The following MEGF10 variants were observed in gnomAD, a reference collection of about 807,000 sequenced individuals.
MEGF10 encodes multiple EGF like domains 10.
MEGF10 carries 86 observed loss-of-function variants against 147.5 expected under a neutral mutation model. The ratio of observed to expected loss-of-function variants is 0.58; its 90% CI spans 0.49 to 0.70. The LOEUF is 0.70. Among genes scored for constraint, MEGF10 ranks in the 30% least tolerant of loss-of-function variants. The probability of loss-of-function intolerance (pLI) is 0.00; values close to 1 mark genes in which losing one functional copy is unlikely to be tolerated. For missense variants in MEGF10, 1,329 were observed against 1,487.3 expected (o/e 0.89, Z 1.75); for synonymous variants, 478 against 525.5 (o/e 0.91, Z 1.24).
At chr5:127,338,553 G>C (rs1761556255) in intron 2 of MEGF10, among the ~76,000 whole-genome samples, 1 of 152,042 alleles carries the variant, frequency 6.6e-6, no homozygotes, top group Non-Finnish European at 1.5e-5. Context: ...TTTAGAACCA[G>C]GTTTAAAGAC....
rs886059863 is a variant in MEGF10, at chr5:127,398,805, C to T, written c.780+9C>T. 2 of 1,613,172 alleles carry T rather than the reference C, an allele frequency of 1.2e-6. No individual in the cohort carries two copies. Among genetic ancestry groups the T allele is most frequent in the African/African-American group, 2.7e-5 (2 of 74,908 alleles). On this transcript the variant is annotated intron_variant, in intron 7 of 24. Coordinates refer to ENST00000503335, the MANE Select transcript of MEGF10 (RefSeq NM_001256545.2). The stretch of plus-strand genomic sequence containing the variant: ...GCCCTTCTGGCTGGATGGTAAGCTT[C>T]CTTCCCACCTCCTCTGCCCCTGCCC...
chr5:127,435,291 T>C, intron 15 of MEGF10, 70 bp from the exon 16 acceptor site: 3 of 1,578,314 alleles, frequency 1.9e-6, no homozygotes, highest in Non-Finnish European at 1.7e-6. Context: ...AGTTATTTCC[T>C]GTGCTAAGAT....
chr5:127,423,510 G>A (rs1034247878), intron 13 of MEGF10, among the ~76,000 whole-genome samples: 4 of 152,148 alleles, frequency 2.6e-5, no homozygotes, highest in Non-Finnish European at 4.4e-5. Context: ...AGTAATGTAC[G>A]AGGGTTCCAT....
chr5:127,342,931 G>A (rs1353011504), intron 4 of MEGF10, among the ~76,000 whole-genome samples: 2 of 151,846 alleles, frequency 1.3e-5, no homozygotes, highest in Non-Finnish European at 2.9e-5. Flanking sequence ...AAAATATTTT[G>A]TGTCTCTCCA....
chr5:127,244,515 G>A, the MEGF10 span, among the ~76,000 whole-genome samples: 1 of 152,180 alleles, frequency 6.6e-6, no homozygotes, highest in Admixed American at 6.5e-5. Context: ...CATAGAGAAA[G>A]CTTACTGAAG....
At chr5:127,363,723 G>A (rs1035793389) in intron 4 of MEGF10, among the ~76,000 whole-genome samples, 8 of 152,138 alleles carry the variant, frequency 5.3e-5, no homozygotes, top group Admixed American at 5.2e-4. Context: ...TAAATGACAC[G>A]AAAGCCCTAT....
intron 4 of MEGF10, among the ~76,000 whole-genome samples, chr5:127,363,679 G>C (rs930639568): frequency 2.6e-5 from 4 of 152,192 alleles, no homozygotes; most frequent in Non-Finnish European, 5.9e-5. Context: ...GTCTGCCAAA[G>C]ATACTGCCAG....
the MEGF10 span, among the ~76,000 whole-genome samples, chr5:127,270,186 A>T: frequency 6.6e-6 from 1 of 152,310 alleles, no homozygotes; most frequent in South Asian, 2.1e-4. Context: ...AATGAGCAAA[A>T]TAACCAGCTA....
intron 1 of MEGF10, among the ~76,000 whole-genome samples, chr5:127,322,942 C>T (rs931734853): frequency 1.3e-5 from 2 of 151,916 alleles, no homozygotes; most frequent in African/African-American, 4.8e-5. Context: ...TATATATTTA[C>T]ACAATGTGTG....
At chr5:127,418,805 T>G (rs1327738190) in intron 10 of MEGF10, among the ~76,000 whole-genome samples, 8 of 152,150 alleles carry the variant, frequency 5.3e-5, no homozygotes. Context: ...TTTTTATATA[T>G]CTACTTGTCT....
chr5:127,402,354 T>G (rs186578309), intron 7 of MEGF10, among the ~76,000 whole-genome samples, 192 bp from the exon 8 acceptor site: 1 of 152,238 alleles, frequency 6.6e-6, no homozygotes, highest in Non-Finnish European at 1.5e-5. Flanking sequence ...TACTGAGTAA[T>G]TAAGTCAATT....
the MEGF10 span, among the ~76,000 whole-genome samples, chr5:127,247,392 GAAGAAGAAGAAGAAGAA>G: frequency 2.8e-5 from 1 of 36,190 alleles, no homozygotes; most frequent in African/African-American, 1.2e-4. Flanking sequence ...AGAAGAAGAA[GAAGAAGAAGAAGAAGAA>G]GAAGAAGAAG....
At chr5:127,385,415 G>A (rs1763391877) in intron 5 of MEGF10, among the ~76,000 whole-genome samples, 1 of 152,082 alleles carries the variant, frequency 6.6e-6, no homozygotes, top group South Asian at 2.1e-4. Context: ...TGGGATTACA[G>A]GTACGCACCA....
intron 22 of MEGF10, among the ~76,000 whole-genome samples, chr5:127,453,792 T>C (rs1351510660): frequency 6.6e-6 from 1 of 152,204 alleles, no homozygotes; most frequent in Non-Finnish European, 1.5e-5. Flanking sequence ...TGTCGTCTTA[T>C]TTTGTTTTTA....
chr5:127,427,845 A>C (rs1765255736), intron 13 of MEGF10, among the ~76,000 whole-genome samples: 1 of 152,232 alleles, frequency 6.6e-6, no homozygotes, highest in Non-Finnish European at 1.5e-5. Flanking sequence ...AGTTTAATTA[A>C]CATGCCTGCA....
the MEGF10 span, among the ~76,000 whole-genome samples, chr5:127,242,918 T>C: frequency 6.6e-6 from 1 of 152,204 alleles, no homozygotes; most frequent in Admixed American, 6.6e-5. Flanking sequence ...CACAAGTATC[T>C]AGCCAAAAGA....
the MEGF10 span, among the ~76,000 whole-genome samples, chr5:127,238,061 A>G: frequency 1.2e-4 from 13 of 112,096 alleles, no homozygotes; most frequent in Non-Finnish European, 2.2e-4. Context: ...ATATATATAT[A>G]TATGTATATA....
rs765580552 is a variant in MEGF10 at position 127,369,985 on chromosome 5, G to A, written c.395G>A (p.Gly132Glu). Residue 132 changes from glycine (G) to glutamate (E), a missense_variant, in exon 5 of 25, where the codon GGG becomes GAG. By Grantham distance (98) the Gly-to-Glu change is moderately conservative. Coordinates refer to ENST00000503335, the MANE Select transcript of MEGF10 (RefSeq NM_001256545.2). ...TGTCAGTGTGAGCCTGGCTGGGGAG[G>A]GACCAACTGCTCCAGTGGTAAGTTT... ...NTCQCEPGWGGTNCSSACDGD... is the reference protein window; with the variant it reads ...NTCQCEPGWGETNCSSACDGD... 5.6e-6 allele frequency: 9 copies of A among 1,612,942 alleles called. No individual in the cohort carries two copies. In the African/African-American group the frequency reaches 8.0e-5, roughly 14 times the overall value.
chr5:127,455,851 C>CA (rs1766344419), intron 24 of MEGF10, among the ~76,000 whole-genome samples: 1 of 151,960 alleles, frequency 6.6e-6, no homozygotes, highest in Admixed American at 6.6e-5. Context: ...GCCATCCTCC[C>CA]ACTTCAGCCT....
Sources: allele counts gnomAD v4.1 joint callset (sites outside exome capture counted in the v4.1 genomes callset), GRCh38; gene constraint gnomAD v4.1.1; transcripts MANE v1.5; gene names NCBI Gene and HGNC (gene_info 2026-07-23, HGNC 2026-07-21).